MITF: variants seen among roughly 807,000 people sequenced by gnomAD.
MITF encodes melanocyte inducing transcription factor.
Under a neutral mutation model 60.5 loss-of-function variants are expected in MITF, and 17 were observed. That is an observed-to-expected ratio of 0.28 (90% CI 0.19 to 0.42). The LOEUF (loss-of-function observed/expected upper bound fraction) is 0.42. Among genes scored for constraint, MITF ranks in the 10% least tolerant of loss-of-function variants. The probability of loss-of-function intolerance (pLI) is 1.00; values close to 1 mark genes in which losing one functional copy is unlikely to be tolerated. For missense variants in MITF, 622 were observed against 683.5 expected, an observed-to-expected ratio of 0.91 and a Z score of 1.00; for synonymous variants, 260 against 248.5, an observed-to-expected ratio of 1.05 and a Z score of -0.43.
chr3:69,896,999 G>T (rs1032670591), intron 2 of MITF, among the ~76,000 whole-genome samples: 1 of 152,158 alleles, frequency 6.6e-6, no homozygotes, highest in African/African-American at 2.4e-5. Flanking sequence ...GGAGAGAAAT[G>T]AAGCAACAAT....
At chr3:69,908,039 T>C (rs1430814836) in intron 2 of MITF, among the ~76,000 whole-genome samples, 1 of 152,198 alleles carries the variant, frequency 6.6e-6, no homozygotes, top group Non-Finnish European at 1.5e-5. Context: ...GTTGTTTGTT[T>C]TGTTTTATTT....
chr3:69,939,084 T>G lies in MITF; in HGVS notation c.583-14T>G. On this transcript the variant is annotated splice_polypyrimidine_tract_variant and intron_variant, in intron 3 of 9. Transcript: ENST00000352241. Reference sequence around the variant, plus strand: ...AATCCAAGTTATAGACTGTTTTTGCTTGTGTTTTTGCAGGGATTTTATAAG... The same window carrying G: ...AATCCAAGTTATAGACTGTTTTTGCGTGTGTTTTTGCAGGGATTTTATAAG... 6.2e-7 allele frequency: 1 copy of G among 1,613,610 alleles called. No homozygotes were observed. The highest frequency in any genetic ancestry group is 8.5e-7 in the Non-Finnish European group (1 of 1,179,820).
At chr3:69,911,592 A>G (rs1433158385) in intron 2 of MITF, among the ~76,000 whole-genome samples, 1 of 152,234 alleles carries the variant, frequency 6.6e-6, no homozygotes, top group East Asian at 1.9e-4. Context: ...TAGTACCTAG[A>G]ATATATAAAG....
At chr3:69,745,432 A>C (rs2106750955) in intron 1 of MITF, among the ~76,000 whole-genome samples, 1 of 152,302 alleles carries the variant, frequency 6.6e-6, no homozygotes, top group South Asian at 2.1e-4. Context: ...GGTGGGCATC[A>C]GCAGTTGGGG....
chr3:69,904,554 C>T (rs974425222), intron 2 of MITF, among the ~76,000 whole-genome samples: 2 of 152,190 alleles, frequency 1.3e-5, no homozygotes, highest in South Asian at 2.1e-4. Context: ...CCCTCCTGGT[C>T]CCTCTACCTC....
At chr3:69,897,774 T>A (rs915923200) in intron 2 of MITF, among the ~76,000 whole-genome samples, 2 of 152,198 alleles carry the variant, frequency 1.3e-5, no homozygotes, top group African/African-American at 4.8e-5. Context: ...CATTTTGCAT[T>A]GTGTCTAACA....
At chr3:69,870,571 A>T (rs1401949181) in intron 1 of MITF, among the ~76,000 whole-genome samples, 2 of 151,852 alleles carry the variant, frequency 1.3e-5, no homozygotes, top group Non-Finnish European at 1.5e-5. Context: ...AGTAGCTGGG[A>T]CTACAGGCGT....
At chr3:69,742,973 G>A (rs1703585710) in intron 1 of MITF, among the ~76,000 whole-genome samples, 1 of 152,112 alleles carries the variant, frequency 6.6e-6, no homozygotes, top group African/African-American at 2.4e-5. Flanking sequence ...TTTATTACGT[G>A]TTTCTCCATG....
chr3:69,838,819 C>G (rs936842090), intron 1 of MITF, among the ~76,000 whole-genome samples: 3 of 152,142 alleles, frequency 2.0e-5, no homozygotes, highest in Admixed American at 2.0e-4. Flanking sequence ...CTTACCTCCC[C>G]CTAATTTTAA....
At position 69,866,049 on chromosome 3, in the gene MITF, C is replaced by G. The variant is rs1285299952; in HGVS notation, c.105-13085C>G. Among the ~76,000 whole-genome samples the G allele has an allele frequency of 3.9e-5, 6 of 152,166 alleles. No individual in the cohort carries two copies. The East Asian group carries it at 1.2e-3, about 29-fold the overall frequency. On this transcript the variant is annotated intron_variant, in intron 1 of 9. Transcript: ENST00000352241. ...GCTGCCTCCCTGGCCGTGCCTGGGT[C>G]CTTGAGTAGCCCTCATTGTGGTGTG...
intron 3 of MITF, chr3:69,938,564 C>G: frequency 1.4e-6 from 2 of 1,394,466 alleles, no homozygotes; most frequent in Non-Finnish European, 9.3e-7. Flanking sequence ...AACGGAAACG[C>G]AAAGGTTTAA....
Position 69,828,319 on chromosome 3 carries a change from A to C in MITF, c.105-50815A>C, listed in dbSNP as rs1013288992. On this transcript the variant is annotated intron_variant, in intron 1 of 9. Coordinates refer to ENST00000352241, the MANE Select transcript of MITF (RefSeq NM_001354604.2). ...TAGTGAGCATCCTTCATTAATCTGG[A>C]GCTATTTTAGTAATAATAAAAAAGG... Among the ~76,000 whole-genome samples, 3 of 152,318 alleles carry C rather than the reference A, an allele frequency of 2.0e-5. No homozygotes were observed. The South Asian group carries it at 6.2e-4, about 32-fold the overall frequency.
At chr3:69,833,446 T>C (rs570698192) in intron 1 of MITF, among the ~76,000 whole-genome samples, 1 of 152,316 alleles carries the variant, frequency 6.6e-6, no homozygotes, top group Admixed American at 6.5e-5. Flanking sequence ...TGTTTTTCTA[T>C]TTACACTGTA....
chr3:69,931,151 A>G (rs1366761480), intron 2 of MITF, among the ~76,000 whole-genome samples: 4 of 152,208 alleles, frequency 2.6e-5, no homozygotes, highest in African/African-American at 4.8e-5. Flanking sequence ...TGTAAAATGC[A>G]TGGCATCTGG....
chr3:69,875,118 G>A (rs1424514167), intron 1 of MITF, among the ~76,000 whole-genome samples: 1 of 152,206 alleles, frequency 6.6e-6, no homozygotes, highest in East Asian at 1.9e-4. Flanking sequence ...GAGAGGTCAA[G>A]TGGCTCATTA....
chr3:69,866,256 G>C, intron 1 of MITF: 1 of 1,611,262 alleles, frequency 6.2e-7, no homozygotes, highest in Non-Finnish European at 8.5e-7. Context: ...TTCACTCTTC[G>C]CCAAGGGCTT....
intron 1 of MITF, among the ~76,000 whole-genome samples, chr3:69,826,553 A>T (rs2063358110): frequency 6.6e-6 from 1 of 152,158 alleles, no homozygotes; most frequent in Non-Finnish European, 1.5e-5. Context: ...AAACTTTTGG[A>T]CATTGGAAGA....
intron 1 of MITF, among the ~76,000 whole-genome samples, chr3:69,782,764 C>A (rs1575704700): frequency 6.6e-6 from 1 of 152,216 alleles, no homozygotes; most frequent in African/African-American, 2.4e-5. Context: ...ACCATCAGAC[C>A]TTTCATAAAT....
At chr3:69,828,114 A>G (rs913614563) in intron 1 of MITF, among the ~76,000 whole-genome samples, 2 of 108,940 alleles carry the variant, frequency 1.8e-5, no homozygotes, top group African/African-American at 5.5e-5. Flanking sequence ...TAAATCAGTC[A>G]GTATTGACAC....
Sources: allele counts gnomAD v4.1 joint callset (sites outside exome capture counted in the v4.1 genomes callset), GRCh38; gene constraint gnomAD v4.1.1; transcripts MANE v1.5; gene names NCBI Gene and HGNC (gene_info 2026-07-23, HGNC 2026-07-21).